RUBCNL: variants seen among roughly 807,000 people sequenced by gnomAD.
RUBCNL encodes rubicon like autophagy enhancer, also known as protein associated with UVRAG as autophagy enhancer.
RUBCNL carries 62 observed loss-of-function variants against 69.5 expected under a neutral mutation model. That is an observed-to-expected ratio of 0.89 (90% CI 0.73 to 1.10). RUBCNL has a LOEUF of 1.10. Among genes scored for constraint, RUBCNL ranks in the 50% least tolerant of loss-of-function variants. RUBCNL has a pLI of 0.00. For synonymous variants in RUBCNL, 291 were observed against 303.6 expected, an observed-to-expected ratio of 0.96 and a Z score of 0.43; for missense variants, 768 against 798.1, an observed-to-expected ratio of 0.96 and a Z score of 0.45.
chr13:46,353,766 T>G (rs2048422851), intron 10 of RUBCNL, among the ~76,000 whole-genome samples: 1 of 152,254 alleles, frequency 6.6e-6, no homozygotes, highest in Non-Finnish European at 1.5e-5. Context: ...AACAGAGATG[T>G]CCGGTATAAC....
intron 5 of RUBCNL, among the ~76,000 whole-genome samples, chr13:46,366,822 A>G (rs73478097): frequency 0.011 from 1,687 of 152,298 alleles, 25 homozygotes; most frequent in African/African-American, 0.037. Flanking sequence ...TGCAGTGAAC[A>G]TATATCAACA....
intron 9 of RUBCNL, 151 bp downstream of exon 9, chr13:46,359,335 A>G: frequency 8.9e-6 from 5 of 562,846 alleles, no homozygotes; most frequent in Non-Finnish European, 1.4e-5. Context: ...AACCTAAGCC[A>G]GAAAATACAG....
chr13:46,349,430 T>G, intron 11 of RUBCNL, 83 bp from the exon 12 acceptor site: 1 of 1,342,162 alleles, frequency 7.5e-7, no homozygotes, highest in Non-Finnish European at 1.1e-6. Context: ...AAATGTTATT[T>G]CTAAGCTTGA....
chr13:46,366,803 C>T (rs1281506401), intron 5 of RUBCNL, among the ~76,000 whole-genome samples: 3 of 152,120 alleles, frequency 2.0e-5, no homozygotes, highest in Admixed American at 1.3e-4. Context: ...ACTACACCCA[C>T]CTTTATGTTG....
chr13:46,377,467 T>C (rs955236166), intron 2 of RUBCNL, among the ~76,000 whole-genome samples: 2 of 152,224 alleles, frequency 1.3e-5, no homozygotes, highest in Admixed American at 6.5e-5. Flanking sequence ...TTTCACCATG[T>C]TGGCCAGGTT....
chr13:46,349,428 T>G, intron 11 of RUBCNL, 81 bp from the exon 12 acceptor site: 2 of 1,347,940 alleles, frequency 1.5e-6, no homozygotes, highest in South Asian at 2.4e-5. Context: ...TTAAATGTTA[T>G]TTCTAAGCTT....
rs1035386535 is a variant in RUBCNL at position 46,359,756 on chromosome 13, T to G, written c.1120-125A>C. ...ATGAAAAATTAACAGTGCTTTTAAC[T>G]GAACTAAAGGGCATACCAAGAGCCC... On this transcript the variant is annotated intron_variant, in intron 8 of 14. Transcript: ENST00000429979. The G allele has an allele frequency of 3.2e-6, 3 of 950,172 alleles. No homozygotes were observed. The African/African-American group carries it at 5.0e-5, about 16-fold the overall frequency. 58.9% of individuals were successfully genotyped at this position (950,172 alleles called of 1,614,324 possible). A position where few individuals can be genotyped will look rare whatever the true frequency, so the allele number is the denominator to read the frequency against.
intron 8 of RUBCNL, among the ~76,000 whole-genome samples, chr13:46,360,516 G>C (rs151078008): frequency 1.1e-3 from 171 of 152,228 alleles, no homozygotes; most frequent in Middle Eastern, 3.4e-3. Context: ...CAACGGCATA[G>C]CATGCCCCTC....
intron 2 of RUBCNL, 60 bp from the exon 3 acceptor site, chr13:46,372,657 A>G: frequency 7.1e-7 from 1 of 1,412,680 alleles, no homozygotes; most frequent in Non-Finnish European, 9.2e-7. Flanking sequence ...TTGGCTACAA[A>G]TTATTTTGAG....
chr13:46,371,898 G>A (rs751998059), intron 3 of RUBCNL, 43 bp downstream of exon 3: 4 of 1,590,976 alleles, frequency 2.5e-6, no homozygotes, highest in Non-Finnish European at 1.7e-6. Context: ...CGAAGCAAGG[G>A]TGTGAACAGA....
At chr13:46,369,688 A>G (rs1345264674) in intron 3 of RUBCNL, among the ~76,000 whole-genome samples, 1 of 152,228 alleles carries the variant, frequency 6.6e-6, no homozygotes, top group African/African-American at 2.4e-5. Context: ...CCATCAAAAC[A>G]AACATTTTTT....
At chr13:46,387,066 T>A in intron 1 of RUBCNL, 68 bp downstream of exon 1, 1 of 981,962 alleles carries the variant, frequency 1.0e-6, no homozygotes, top group Non-Finnish European at 1.2e-6. Context: ...GGCCCTCCCT[T>A]CCCTTTCTCC....
At chr13:46,350,023 G>A in intron 11 of RUBCNL, 90 bp downstream of exon 11, 1 of 943,372 alleles carries the variant, frequency 1.1e-6, no homozygotes, top group Non-Finnish European at 1.6e-6. Flanking sequence ...CTTAGAGGAT[G>A]TATCTGTGGG....
At chr13:46,385,082 T>C (rs2049207643) in intron 1 of RUBCNL, among the ~76,000 whole-genome samples, 1 of 152,206 alleles carries the variant, frequency 6.6e-6, no homozygotes, top group South Asian at 2.1e-4. Flanking sequence ...AGCTGTGTGA[T>C]TTTGAGCAAT....
In RUBCNL at chr13:46,350,192, A is replaced by T; in HGVS notation, c.1490T>A (p.Ile497Lys). ...SNFSKQLLDS[I>K]WHQPIFNLLS... ...CAAATTGAAAATGGGCTGGTGCCATATGCTGTCGAGCAGCTGTTTGGAGAA... is the reference window on the plus strand; with the variant it reads ...CAAATTGAAAATGGGCTGGTGCCATTTGCTGTCGAGCAGCTGTTTGGAGAA... The change falls in exon 11 of 15, where the codon ATA becomes AAA. Residue 497 changes from isoleucine (I) to lysine (K), a missense_variant. Coordinates refer to ENST00000429979, the MANE Select transcript of RUBCNL (RefSeq NM_025113.5). 2 of 1,591,234 alleles carry T rather than the reference A, an allele frequency of 1.3e-6. No homozygotes were observed. The highest frequency in any genetic ancestry group is 2.3e-5 in the South Asian group (2 of 87,308).
chr13:46,366,354 C>A (rs985516146), intron 5 of RUBCNL, among the ~76,000 whole-genome samples: 3 of 152,112 alleles, frequency 2.0e-5, no homozygotes, highest in South Asian at 2.1e-4. Context: ...AGAGCTGAAA[C>A]TAGATGCCAG....
At chr13:46,376,446 A>T (rs1335535574) in intron 2 of RUBCNL, among the ~76,000 whole-genome samples, 1 of 152,176 alleles carries the variant, frequency 6.6e-6, no homozygotes, top group Non-Finnish European at 1.5e-5. Flanking sequence ...CACCATTCAC[A>T]AAATATCACA....
At chr13:46,356,640 T>G (rs1009860963) in intron 9 of RUBCNL, 144 bp from the exon 10 acceptor site, 1 of 679,676 alleles carries the variant, frequency 1.5e-6, no homozygotes, top group African/African-American at 1.8e-5. Flanking sequence ...AGAAATAGAT[T>G]TATTCAATAC....
chr13:46,351,967 T>C (rs1594139204), intron 10 of RUBCNL, among the ~76,000 whole-genome samples: 1 of 151,800 alleles, frequency 6.6e-6, no homozygotes, highest in African/African-American at 2.4e-5. Flanking sequence ...TAGTTGGGAC[T>C]ACAGGGCGTG....
Sources: gnomAD v4.1 joint callset for allele counts (sites outside exome capture counted in the v4.1 genomes callset) on GRCh38, gnomAD v4.1.1 for gene constraint, MANE v1.5 for transcripts, NCBI Gene and HGNC (gene_info 2026-07-23, HGNC 2026-07-21) for gene names.